POU2F3: variants seen among roughly 807,000 people sequenced by gnomAD.
POU2F3 encodes the protein POU domain, class 2, transcription factor 3.
Under a neutral mutation model 59.2 loss-of-function variants are expected in POU2F3, and 23 were observed. The ratio of observed to expected loss-of-function variants is 0.39; its 90% confidence interval spans 0.28 to 0.55. The LOEUF is 0.55. Among genes scored for constraint, POU2F3 ranks in the 20% least tolerant of loss-of-function variants. The probability of loss-of-function intolerance (pLI) is 0.66; values close to 1 mark genes in which losing one functional copy is unlikely to be tolerated. For synonymous variants in POU2F3, 190 were observed against 214.6 expected (o/e 0.89, Z 1.00); for missense variants, 473 against 544.5 (o/e 0.87, Z 1.31).
At chr11:120,273,764 C>T (rs1940181144) in intron 3 of POU2F3, among the ~76,000 whole-genome samples, 1 of 152,080 alleles carries the variant, frequency 6.6e-6, no homozygotes, top group Non-Finnish European at 1.5e-5. Context: ...ATCTGTAATC[C>T]CAACACTTAG....
chr11:120,280,952 G>A (rs1248445607), intron 3 of POU2F3, among the ~76,000 whole-genome samples: 1 of 152,198 alleles, frequency 6.6e-6, no homozygotes, highest in Non-Finnish European at 1.5e-5. Flanking sequence ...GGAAGAGGCA[G>A]TGTTTGCCTG....
In POU2F3 at chr11:120,305,134, T is replaced by A; in HGVS notation, c.549T>A (p.Asp183Glu). 1.2e-6 allele frequency: 2 copies of A among 1,613,864 alleles called. No homozygotes were observed. The highest frequency in any genetic ancestry group is 1.6e-4 in the Middle Eastern group (1 of 6,062). ...PKHLPSSGGA[D>E]EPSDLEELEK... ...ATCTACCCAGCTCTGGAGGGGCCGA[T>A]GAGCCCAGTGACCTCGAGGAGCTGG... is the stretch of plus-strand genomic sequence containing the variant. Residue 183 changes from aspartate (D) to glutamate (E), a missense_variant, in exon 7 of 13, where the codon GAT (aspartate) becomes GAA (glutamate). Physicochemically the swap from Asp to Glu is conservative, Grantham distance 45. Coordinates refer to ENST00000543440, the MANE Select transcript of POU2F3 (RefSeq NM_014352.4).
chr11:120,308,590 G>T (rs796836874), intron 9 of POU2F3, among the ~76,000 whole-genome samples: 64 of 152,214 alleles, frequency 4.2e-4, no homozygotes, highest in African/African-American at 1.5e-3. Flanking sequence ...GTCCTGATGG[G>T]TCCACATGTT....
rs1201881814 is a variant in POU2F3, at chr11:120,285,536, C to T, written c.133-12729C>T. On this transcript the variant is annotated intron_variant, in intron 3 of 12. Coordinates refer to ENST00000543440, the MANE Select transcript of POU2F3 (RefSeq NM_014352.4). This position sits in a 1 kb window ranked among gnomAD's most constrained non-coding sequence, Gnocchi z 4.3. ...ATGCTGCTGAATGCCTTCCTTAAAC[C>T]AGTTATATACTTAATACATGAATAC... 6.6e-6 allele frequency among the ~76,000 whole-genome samples: 1 copy of T among 152,130 alleles called. No individual in the cohort carries two copies. Among genetic ancestry groups the T allele is most frequent in the Non-Finnish European group, 1.5e-5 (1 of 68,024 alleles).
intron 2 of POU2F3, among the ~76,000 whole-genome samples, chr11:120,247,872 G>T (rs1292196693): frequency 1.3e-5 from 2 of 152,190 alleles, no homozygotes; most frequent in African/African-American, 2.4e-5. Context: ...TTTACCTGGG[G>T]CCCATTGCCC....
At chr11:120,244,803 C>T (rs1397834607) in intron 1 of POU2F3, among the ~76,000 whole-genome samples, 1 of 152,200 alleles carries the variant, frequency 6.6e-6, no homozygotes, top group East Asian at 1.9e-4. Flanking sequence ...AGGCCAGTGG[C>T]AGCAGAAGCC....
chr11:120,246,338 C>T (rs1938873447), intron 1 of POU2F3, 111 bp from the exon 2 acceptor site: 1 of 1,106,458 alleles, frequency 9.0e-7, no homozygotes, highest in African/African-American at 1.5e-5. Context: ...ATTTGAAAGT[C>T]TGATGGTTGT....
At chr11:120,303,249 TC>T (rs1941398179) in intron 6 of POU2F3, 1 of 152,172 alleles carries the variant, frequency 6.6e-6, no homozygotes, top group Non-Finnish European at 1.5e-5. Context: ...AAGCTGCTCT[TC>T]CGCCTCCTCC....
rs1023885172 is a variant in POU2F3 at position 120,285,679 on chromosome 11, T to C, written c.133-12586T>C. Among the ~76,000 whole-genome samples, 1 of 152,250 alleles carries C rather than the reference T, an allele frequency of 6.6e-6. No homozygotes were observed. The highest frequency in any genetic ancestry group is 1.5e-5 in the Non-Finnish European group (1 of 68,044). ...CTTTTATCAGGGTAGCGTATATATG[T>C]CTGGAAGACTTTTTCTCTGGATATA... is the stretch of plus-strand genomic sequence containing the variant. On this transcript the variant is annotated intron_variant, in intron 3 of 12. Coordinates refer to ENST00000543440, the MANE Select transcript of POU2F3 (RefSeq NM_014352.4). The surrounding 1 kb of genome is among the most constrained non-coding windows in gnomAD (Gnocchi z 4.3).
intron 2 of POU2F3, among the ~76,000 whole-genome samples, chr11:120,251,957 G>A (rs1162262082): frequency 6.6e-6 from 1 of 151,790 alleles, no homozygotes; most frequent in Non-Finnish European, 1.5e-5. Context: ...ACCACACCCA[G>A]CTAATTTTTT....
chr11:120,253,254 CA>C (rs1285631198), intron 2 of POU2F3, among the ~76,000 whole-genome samples: 4 of 145,656 alleles, frequency 2.7e-5, no homozygotes, highest in African/African-American at 1.1e-4. Flanking sequence ...GTGCTATTAA[CA>C]TTTTTAATTT....
rs955115512 is a variant in POU2F3 at position 120,274,314 on chromosome 11, T to C, written c.132+5070T>C. Among the ~76,000 whole-genome samples the C allele has an allele frequency of 2.6e-5, 4 of 152,282 alleles. No individual in the cohort carries two copies. The East Asian group carries it at 7.7e-4, about 29-fold the overall frequency. On this transcript the variant is annotated intron_variant, in intron 3 of 12. Coordinates refer to ENST00000543440, the MANE Select transcript of POU2F3 (RefSeq NM_014352.4). Reference sequence around the variant, plus strand: ...AGTGATATCTGTCTCACGGGGTTATTGTGAGGGTCAAATGATATGTAGCTA... The same window carrying C: ...AGTGATATCTGTCTCACGGGGTTATCGTGAGGGTCAAATGATATGTAGCTA...
Position 120,240,357 on chromosome 11 carries a change from A to C in POU2F3, c.14A>C (p.Glu5Ala). The C allele has an allele frequency of 7.0e-7, 1 of 1,424,554 alleles. No individual in the cohort carries two copies. The highest frequency in any genetic ancestry group is 9.3e-7 in the Non-Finnish European group (1 of 1,078,304). The allele number at this position is 1,424,554 out of a possible 1,614,324, so 88.2% of individuals were successfully genotyped here. Reference protein sequence around the residue: MVNLESMHTDIKMSG... With the variant: MVNLASMHTDIKMSG... The stretch of plus-strand genomic sequence containing the variant: ...GCCTGGGGCAGGATGGTGAATCTGG[A>C]GTCCATGCACACAGGTGAGGGGCGG... Residue 5 changes from glutamate (E) to alanine (A), a missense_variant, in exon 1 of 13, where the codon GAG becomes GCG. By Grantham distance (107) the Glu-to-Ala change is moderately radical (BLOSUM62 -1). Transcript: ENST00000543440.
chr11:120,266,893 C>T (rs181033871), intron 2 of POU2F3, among the ~76,000 whole-genome samples: 60 of 152,324 alleles, frequency 3.9e-4, no homozygotes, highest in Admixed American at 7.8e-4. Context: ...AATATTGTAT[C>T]CCCAGTGCCT....
chr11:120,251,018 A>G (rs1939074674), intron 2 of POU2F3, among the ~76,000 whole-genome samples: 1 of 151,676 alleles, frequency 6.6e-6, no homozygotes, highest in South Asian at 2.1e-4. Context: ...CTTACACTAG[A>G]GTGTGGTAGG....
intron 11 of POU2F3, among the ~76,000 whole-genome samples, chr11:120,316,727 A>G (rs1432743741): frequency 2.6e-5 from 4 of 152,182 alleles, no homozygotes; most frequent in Admixed American, 2.6e-4. Flanking sequence ...TGCCCAGTTC[A>G]GTTCATTACT....
chr11:120,243,227 G>A (rs2135119882), intron 1 of POU2F3, among the ~76,000 whole-genome samples: 1 of 152,292 alleles, frequency 6.6e-6, no homozygotes, highest in South Asian at 2.1e-4. Flanking sequence ...CCATCAGCAG[G>A]TATGTGCGGG....
chr11:120,307,418 T>C (rs1941525460), intron 8 of POU2F3, 61 bp from the exon 9 acceptor site: 2 of 1,585,114 alleles, frequency 1.3e-6, no homozygotes, highest in Non-Finnish European at 8.6e-7. Flanking sequence ...CTCAGATCCA[T>C]GAAGGCACCG....
upstream of POU2F3, among the ~76,000 whole-genome samples, chr11:120,239,541 G>T (rs1301186236): frequency 1.3e-5 from 2 of 152,178 alleles, no homozygotes; most frequent in Non-Finnish European, 2.9e-5. Flanking sequence ...GGAAGCAGTT[G>T]TGTGCACCTG....
Sources: gnomAD v4.1 joint callset for allele counts (sites outside exome capture counted in the v4.1 genomes callset) on GRCh38, gnomAD v4.1.1 for gene constraint, Gnocchi (gnomAD v3.1) non-coding constraint, MANE v1.5 for transcripts, NCBI Gene and HGNC (gene_info 2026-07-23, HGNC 2026-07-21) for gene names.